The following NCAM1 variants were observed in gnomAD, a reference collection of about 807,000 sequenced individuals.
NCAM1 encodes the protein antigen recognized by monoclonal antibody 5.1H11.
Under a neutral mutation model 109.8 loss-of-function variants are expected in NCAM1, and 14 were observed. That is an observed-to-expected ratio of 0.13 (90% CI 0.08 to 0.20). The LOEUF (loss-of-function observed/expected upper bound fraction) is 0.20, where lower values mean the gene tolerates loss of function less well. NCAM1 is among the 10% of genes least tolerant of loss of function. NCAM1 has a pLI of 1.00. For synonymous variants in NCAM1, 418 were observed against 442.9 expected (o/e 0.94, Z 0.70); for missense variants, 774 against 1,109.9 (o/e 0.70, Z 4.30).
chr11:113,181,004 G>A (rs1943313517), intron 1 of NCAM1, among the ~76,000 whole-genome samples: 2 of 152,222 alleles, frequency 1.3e-5, no homozygotes, highest in African/African-American at 4.8e-5. Context: ...TCATATTGCA[G>A]TTTTTGGTAC....
chr11:113,127,235 A>G (rs948651997), intron 1 of NCAM1, among the ~76,000 whole-genome samples: 1 of 152,200 alleles, frequency 6.6e-6, no homozygotes. Flanking sequence ...AAGCATTTTT[A>G]CAAAAGCTCT....
chr11:112,999,528 C>T (rs191782001), intron 1 of NCAM1, among the ~76,000 whole-genome samples: 1 of 151,512 alleles, frequency 6.6e-6, no homozygotes, highest in Admixed American at 6.6e-5. Context: ...AATTATGGGG[C>T]CTTCGAGTCT....
intron 1 of NCAM1, chr11:113,133,730 C>T (rs1308076350): frequency 1.3e-5 from 2 of 152,108 alleles, no homozygotes; most frequent in Admixed American, 6.6e-5. Context: ...CTTGGAGAAA[C>T]ATTCACAGAC....
intron 1 of NCAM1, among the ~76,000 whole-genome samples, chr11:113,071,794 C>T (rs978078590): frequency 1.3e-5 from 2 of 152,136 alleles, no homozygotes; most frequent in Non-Finnish European, 2.9e-5. Context: ...GCTTTGTTGG[C>T]GGTAGGCAAA....
chr11:113,006,776 TC>T (rs1466504792), intron 1 of NCAM1, among the ~76,000 whole-genome samples: 1 of 152,184 alleles, frequency 6.6e-6, no homozygotes, highest in Non-Finnish European at 1.5e-5. Context: ...TCCTGGGAGT[TC>T]CGAGCTGTCA....
chr11:113,015,783 A>G (rs1260005819), intron 1 of NCAM1, among the ~76,000 whole-genome samples: 1 of 152,142 alleles, frequency 6.6e-6, no homozygotes, highest in African/African-American at 2.4e-5. Context: ...CGTCAGTCCT[A>G]ATTCAGGATC....
intron 1 of NCAM1, among the ~76,000 whole-genome samples, chr11:113,110,160 G>C (rs1338266542): frequency 3.3e-5 from 5 of 152,130 alleles, no homozygotes; most frequent in African/African-American, 1.2e-4. Context: ...TCCTGGATCA[G>C]TTCAGTGAAT....
chr11:113,199,893 G>A (rs1394854947), intron 1 of NCAM1, among the ~76,000 whole-genome samples: 3 of 147,656 alleles, frequency 2.0e-5, no homozygotes, highest in African/African-American at 2.5e-5. Context: ...GTTAAGCAGG[G>A]AATTCCTTTG....
chr11:113,161,827 C>T (rs1942609358), intron 1 of NCAM1, among the ~76,000 whole-genome samples: 1 of 152,144 alleles, frequency 6.6e-6, no homozygotes, highest in Non-Finnish European at 1.5e-5. Context: ...GGTGGAGAAG[C>T]ACTGTGGTTG....
chr11:113,257,193 A>G (rs978732531), intron 16 of NCAM1, among the ~76,000 whole-genome samples: 6 of 152,186 alleles, frequency 3.9e-5, no homozygotes, highest in Admixed American at 2.6e-4. Flanking sequence ...GGGTGCAAGG[A>G]TTGGGCAGGT....
In NCAM1 at chr11:113,277,522, C is replaced by A. The variant is rs1946421814; in HGVS notation, c.*2135C>A. The A allele has an allele frequency of 2.5e-6, 1 of 398,424 alleles. No homozygotes were observed. The highest frequency in any genetic ancestry group is 4.4e-6 in the Non-Finnish European group (1 of 225,964). 24.7% of individuals were successfully genotyped at this position (398,424 alleles called of 1,614,324 possible). ...GCCTGGGTGTCTGAGACCGGGAGGG[C>A]CCAGCAGTGAGGGGCAGGCTCTTCT... On this transcript the variant is annotated 3_prime_UTR_variant, in exon 20 of 20. Coordinates refer to ENST00000316851, the MANE Select transcript of NCAM1 (RefSeq NM_181351.5).
At chr11:113,053,701 C>G (rs985828701) in intron 1 of NCAM1, among the ~76,000 whole-genome samples, 1 of 152,114 alleles carries the variant, frequency 6.6e-6, no homozygotes, top group Non-Finnish European at 1.5e-5. Flanking sequence ...GCTAATGATC[C>G]AGATGCCTCT....
intron 1 of NCAM1, among the ~76,000 whole-genome samples, chr11:113,104,118 T>C (rs1214385049): frequency 6.7e-6 from 1 of 148,682 alleles, no homozygotes; most frequent in African/African-American, 2.5e-5. Flanking sequence ...TCCAGGATCT[T>C]TGGGTTTTGT....
intron 1 of NCAM1, among the ~76,000 whole-genome samples, chr11:113,146,664 G>T (rs1313051325): frequency 6.6e-6 from 1 of 152,192 alleles, no homozygotes; most frequent in Admixed American, 6.5e-5. Context: ...GTGAATGATT[G>T]TGAGATACTG....
At chr11:113,003,884 T>G (rs1196960805) in intron 1 of NCAM1, 1 of 152,198 alleles carries the variant, frequency 6.6e-6, no homozygotes, top group Admixed American at 6.5e-5. Flanking sequence ...CTTTTACACA[T>G]GTATTTATAT....
chr11:113,268,958 C>G (rs555270381), intron 17 of NCAM1, among the ~76,000 whole-genome samples: 53 of 152,320 alleles, frequency 3.5e-4, no homozygotes, highest in Non-Finnish European at 6.2e-4. Context: ...AAGCTTTAGA[C>G]ATAGTCTACT....
chr11:113,189,052 C>T (rs1943598906), intron 1 of NCAM1, among the ~76,000 whole-genome samples: 1 of 152,116 alleles, frequency 6.6e-6, no homozygotes, highest in African/African-American at 2.4e-5. Flanking sequence ...AGGCTTTTCC[C>T]TTTCATTTAG....
At chr11:113,060,842 T>C (rs1025780192) in intron 1 of NCAM1, among the ~76,000 whole-genome samples, 5 of 152,226 alleles carry the variant, frequency 3.3e-5, no homozygotes, top group Non-Finnish European at 7.3e-5. Flanking sequence ...GAATTTTTTC[T>C]AGAACCATGG....
intron 1 of NCAM1, among the ~76,000 whole-genome samples, chr11:113,071,310 C>T (rs2135565628): frequency 6.6e-6 from 1 of 152,030 alleles, no homozygotes; most frequent in African/African-American, 2.4e-5. Context: ...CAAATTATTG[C>T]TTAAGTGAAG....
Sources: gnomAD v4.1 joint callset for allele counts (sites outside exome capture counted in the v4.1 genomes callset) on GRCh38, gnomAD v4.1.1 for gene constraint, MANE v1.5 for transcripts, NCBI Gene and HGNC (gene_info 2026-07-23, HGNC 2026-07-21) for gene names.